Variants in DPP10 observed in about 807,000 individuals in gnomAD.
DPP10 encodes dipeptidyl peptidase like 10.
A neutral mutation model predicts 120.9 loss-of-function variants in DPP10; 33 were observed. The ratio of observed to expected loss-of-function variants is 0.27; its 90% CI spans 0.21 to 0.37. The LOEUF (loss-of-function observed/expected upper bound fraction) is 0.37, where lower values mean the gene tolerates loss of function less well. DPP10 is among the 10% of genes least tolerant of loss of function. DPP10 has a pLI of 1.00. For missense variants in DPP10, 816 were observed against 942.8 expected (o/e 0.87, Z 1.76); for synonymous variants, 337 against 326.1 (o/e 1.03, Z -0.36).
chr2:115,365,733 G>A (rs576513399), intron 3 of DPP10, among the ~76,000 whole-genome samples: 4 of 152,022 alleles, frequency 2.6e-5, no homozygotes, highest in Non-Finnish European at 5.9e-5. Context: ...GCCCAGTCCA[G>A]TGCTTAAAAC....
chr2:114,819,365 G>C (rs1685901936), intron 1 of DPP10, among the ~76,000 whole-genome samples: 1 of 152,124 alleles, frequency 6.6e-6, no homozygotes, highest in Admixed American at 6.6e-5. Context: ...GTGATCCTCA[G>C]TTTTCTCATC....
At chr2:115,687,924 T>C (rs542845069) in intron 5 of DPP10, among the ~76,000 whole-genome samples, 1 of 151,904 alleles carries the variant, frequency 6.6e-6, no homozygotes, top group African/African-American at 2.4e-5. Context: ...AAAGATAGGA[T>C]GAATACCCTC....
intron 1 of DPP10, among the ~76,000 whole-genome samples, chr2:114,968,894 G>A (rs1195846769): frequency 6.6e-6 from 1 of 152,050 alleles, no homozygotes; most frequent in East Asian, 1.9e-4. Context: ...GTGTTTCTGT[G>A]GTTTTGCAAC....
chr2:115,403,645 C>G (rs1176319236), intron 3 of DPP10, among the ~76,000 whole-genome samples: 1 of 152,098 alleles, frequency 6.6e-6, no homozygotes, highest in Non-Finnish European at 1.5e-5. Flanking sequence ...AGTGATCCAT[C>G]CACCTGCTTC....
chr2:114,655,241 G>T (rs1321925262), intron 1 of DPP10, among the ~76,000 whole-genome samples: 1 of 152,092 alleles, frequency 6.6e-6, no homozygotes, highest in African/African-American at 2.4e-5. Flanking sequence ...GAAACTGGAG[G>T]GTTCAAACAA....
At chr2:115,078,859 A>C (rs1201893730) in intron 1 of DPP10, among the ~76,000 whole-genome samples, 6 of 152,226 alleles carry the variant, frequency 3.9e-5, no homozygotes, top group African/African-American at 1.4e-4. Context: ...GAGTAACACC[A>C]TAATTACTAT....
At chr2:115,315,883 G>A (rs1001526719) in intron 2 of DPP10, among the ~76,000 whole-genome samples, 3 of 152,060 alleles carry the variant, frequency 2.0e-5, no homozygotes, top group African/African-American at 7.2e-5. Context: ...ATTTATCTCT[G>A]ATGTTGAATA....
intron 2 of DPP10, among the ~76,000 whole-genome samples, chr2:115,323,661 G>A (rs772228181): frequency 1.9e-4 from 29 of 152,202 alleles, no homozygotes; most frequent in Non-Finnish European, 2.6e-4. Flanking sequence ...TCCTTGATCC[G>A]TAGGCTGCAG....
intron 1 of DPP10, among the ~76,000 whole-genome samples, chr2:114,443,540 T>C (rs1194259422): frequency 6.6e-6 from 1 of 152,130 alleles, no homozygotes; most frequent in Non-Finnish European, 1.5e-5. Flanking sequence ...ATTCTCTTTG[T>C]TTTTATTCGG....
chr2:114,806,101 C>A (rs1052980774), intron 1 of DPP10, among the ~76,000 whole-genome samples: 11 of 152,218 alleles, frequency 7.2e-5, no homozygotes, highest in Middle Eastern at 3.2e-3. Flanking sequence ...ACAAAATTAT[C>A]CATCTCAGGG....
intron 1 of DPP10, among the ~76,000 whole-genome samples, chr2:114,556,657 A>G (rs1177780237): frequency 1.3e-5 from 2 of 151,988 alleles, no homozygotes; most frequent in Non-Finnish European, 2.9e-5. Flanking sequence ...TAGGGGGAGG[A>G]TGAGAGCAAC....
chr2:115,193,504 G>T (rs1352001500), intron 1 of DPP10, among the ~76,000 whole-genome samples: 3 of 152,166 alleles, frequency 2.0e-5, no homozygotes, highest in Admixed American at 2.0e-4. Context: ...CTGATGTCCA[G>T]GGCCATGGAC....
chr2:115,263,872 C>A (rs1055244487), intron 1 of DPP10, among the ~76,000 whole-genome samples: 1 of 151,140 alleles, frequency 6.6e-6, no homozygotes, highest in African/African-American at 2.5e-5. Flanking sequence ...GTGCAAAAAT[C>A]ACAAAGGGAT....
chr2:114,869,878 C>T (rs764873470), intron 1 of DPP10, among the ~76,000 whole-genome samples: 12 of 152,116 alleles, frequency 7.9e-5, no homozygotes, highest in Non-Finnish European at 1.5e-4. Flanking sequence ...TGTCTTCTTC[C>T]CTTACTGGCT....
At chr2:114,596,999 C>G (rs1691965198) in intron 1 of DPP10, among the ~76,000 whole-genome samples, 1 of 151,962 alleles carries the variant, frequency 6.6e-6, no homozygotes, top group Non-Finnish European at 1.5e-5. Flanking sequence ...TTCTAGTAGA[C>G]AAGTCAGAAA....
chr2:114,703,533 G>C (rs1260638197), intron 1 of DPP10, among the ~76,000 whole-genome samples: 2 of 152,120 alleles, frequency 1.3e-5, no homozygotes, highest in African/African-American at 4.8e-5. Flanking sequence ...GAAGTGAAAA[G>C]GTCAAGTTTA....
At chr2:115,824,138 T>C (rs1390001970) in intron 21 of DPP10, among the ~76,000 whole-genome samples, 2 of 152,158 alleles carry the variant, frequency 1.3e-5, no homozygotes, top group East Asian at 1.9e-4. Flanking sequence ...ATCATACTGA[T>C]ATATATACAC....
chr2:114,616,828 C>A (rs1693712080), intron 1 of DPP10, among the ~76,000 whole-genome samples: 1 of 152,048 alleles, frequency 6.6e-6, no homozygotes, highest in African/African-American at 2.4e-5. Flanking sequence ...ATGGAGAGAT[C>A]AAGCTTTCAC....
chr2:115,381,747 C>G (rs181379333), intron 3 of DPP10, among the ~76,000 whole-genome samples: 2,024 of 152,096 alleles, frequency 0.013, 41 homozygotes, highest in African/African-American at 0.047. Flanking sequence ...GATGTCCTTT[C>G]TGTTTGTTAG....
Sources: gnomAD v4.1 joint callset for allele counts (sites outside exome capture counted in the v4.1 genomes callset) on GRCh38, gnomAD v4.1.1 for gene constraint, MANE v1.5 for transcripts, NCBI Gene and HGNC (gene_info 2026-07-23, HGNC 2026-07-21) for gene names.